SLC39A11: variants seen among roughly 807,000 people sequenced by gnomAD.
The protein encoded by SLC39A11 is solute carrier family 39 member 11.
SLC39A11 carries 33 observed loss-of-function variants against 36.1 expected under a neutral mutation model. The ratio of observed to expected loss-of-function variants is 0.91; its 90% confidence interval spans 0.69 to 1.22. The LOEUF (loss-of-function observed/expected upper bound fraction) is 1.22. SLC39A11 is among the 50% of genes most tolerant of loss of function. The pLI, the probability that SLC39A11 is intolerant of heterozygous loss-of-function variation, is 0.00. For missense variants in SLC39A11, 432 were observed against 430.3 expected (o/e 1.00, Z -0.03); for synonymous variants, 166 against 170.3 (o/e 0.97, Z 0.20).
chr17:72,824,208 T>C (rs904106653), intron 6 of SLC39A11, among the ~76,000 whole-genome samples: 1 of 151,000 alleles, frequency 6.6e-6, no homozygotes, highest in Non-Finnish European at 1.5e-5. Flanking sequence ...ATAGTGAATA[T>C]GTTCTCATGA....
chr17:73,069,746 A>G (rs150325656), intron 3 of SLC39A11, among the ~76,000 whole-genome samples: 4 of 152,214 alleles, frequency 2.6e-5, no homozygotes, highest in Non-Finnish European at 5.9e-5. Flanking sequence ...CACTCAGGGT[A>G]TCTTTCAAAA....
In SLC39A11 at chr17:72,714,983, G is replaced by C. The variant is rs1168739887; in HGVS notation, c.671+21667C>G. Among the ~76,000 whole-genome samples, 3 of 152,312 alleles carry C rather than the reference G, an allele frequency of 2.0e-5. No individual in the cohort carries two copies. In the East Asian group the frequency reaches 5.8e-4, roughly 29 times the overall value. On this transcript the variant is annotated intron_variant, in intron 7 of 9. Coordinates refer to ENST00000255559, the MANE Select transcript of SLC39A11 (RefSeq NM_139177.4). ...TCAAAACCACTTCACCTCGCATCTT[G>C]CATCCATGTAGCCCCTTCACGCTCA... is the stretch of plus-strand genomic sequence containing the variant.
At chr17:72,951,317 G>A (rs1423739851) in intron 4 of SLC39A11, among the ~76,000 whole-genome samples, 1 of 149,076 alleles carries the variant, frequency 6.7e-6, no homozygotes, top group Admixed American at 6.7e-5. Context: ...TCAGATACCT[G>A]CTTTAGAAAG....
intron 3 of SLC39A11, among the ~76,000 whole-genome samples, chr17:73,084,434 T>C (rs1370281816): frequency 9.5e-5 from 5 of 52,448 alleles, no homozygotes; most frequent in Non-Finnish European, 1.3e-4. Context: ...TAAGGCTCTG[T>C]CTCAAAAAAA....
intron 6 of SLC39A11, among the ~76,000 whole-genome samples, chr17:72,817,316 A>AAGGG (rs1263596438): frequency 2.2e-5 from 3 of 139,064 alleles, no homozygotes; most frequent in Non-Finnish European, 4.7e-5. Flanking sequence ...GGAAGAAAAG[A>AAGGG]AGGGAGGGAG....
At chr17:73,032,895 C>A (rs193114983) in intron 3 of SLC39A11, among the ~76,000 whole-genome samples, 2 of 152,162 alleles carry the variant, frequency 1.3e-5, no homozygotes, top group Admixed American at 6.5e-5. Flanking sequence ...TTTTCTATTG[C>A]GATTTGTAGA....
intron 6 of SLC39A11, among the ~76,000 whole-genome samples, chr17:72,761,311 CACCA>C (rs1460917910): frequency 5.3e-4 from 80 of 152,244 alleles, no homozygotes; most frequent in African/African-American, 1.8e-3. Context: ...GATGGATTTT[CACCA>C]TGTTGGCAAA....
At chr17:72,976,891 G>A (rs1340868238) in intron 4 of SLC39A11, among the ~76,000 whole-genome samples, 1 of 152,144 alleles carries the variant, frequency 6.6e-6, no homozygotes, top group Non-Finnish European at 1.5e-5. Flanking sequence ...TCTCTGTTAG[G>A]TCTCAGGATT....
At chr17:72,763,141 C>T (rs1046449298) in intron 6 of SLC39A11, among the ~76,000 whole-genome samples, 2 of 152,158 alleles carry the variant, frequency 1.3e-5, no homozygotes, top group Non-Finnish European at 2.9e-5. Flanking sequence ...AAGCTCCCAA[C>T]AGGATTTAGA....
chr17:73,057,328 T>G (rs943210467), intron 3 of SLC39A11, among the ~76,000 whole-genome samples: 50 of 152,328 alleles, frequency 3.3e-4, no homozygotes, highest in Middle Eastern at 3.4e-3. Context: ...ACATTGCCTC[T>G]TTTAATAGAT....
intron 6 of SLC39A11, among the ~76,000 whole-genome samples, chr17:72,784,640 C>T (rs2076440414): frequency 6.6e-6 from 1 of 151,950 alleles, no homozygotes; most frequent in Non-Finnish European, 1.5e-5. Flanking sequence ...GCTGTGGTGA[C>T]AGTGAGTTCT....
intron 6 of SLC39A11, among the ~76,000 whole-genome samples, chr17:72,800,980 G>C (rs1372681736): frequency 6.6e-6 from 1 of 152,198 alleles, no homozygotes; most frequent in Non-Finnish European, 1.5e-5. Context: ...GCAACAAAAA[G>C]GGATGAAGTA....
intron 6 of SLC39A11, among the ~76,000 whole-genome samples, chr17:72,810,119 C>T (rs1309355903): frequency 2.0e-5 from 3 of 150,114 alleles, no homozygotes; most frequent in Non-Finnish European, 3.0e-5. Flanking sequence ...ATGAAGAAAA[C>T]TCTAGTAATA....
chr17:72,754,337 T>C (rs1206633224), intron 6 of SLC39A11, among the ~76,000 whole-genome samples: 1 of 151,852 alleles, frequency 6.6e-6, no homozygotes, highest in African/African-American at 2.4e-5. Flanking sequence ...ACAAATTGGG[T>C]TCAGTGCATA....
At chr17:72,890,622 A>T (rs1418566405) in intron 5 of SLC39A11, among the ~76,000 whole-genome samples, 1 of 152,222 alleles carries the variant, frequency 6.6e-6, no homozygotes, top group Non-Finnish European at 1.5e-5. Context: ...CCCATTGAAT[A>T]CAAGTGGCTG....
chr17:72,782,729 A>G (rs1391379164), intron 6 of SLC39A11, among the ~76,000 whole-genome samples: 2 of 147,284 alleles, frequency 1.4e-5, no homozygotes, highest in African/African-American at 2.5e-5. Flanking sequence ...GGCCCAGCAC[A>G]GTGGCTTATG....
At chr17:72,884,554 G>A (rs930643874) in intron 5 of SLC39A11, among the ~76,000 whole-genome samples, 7 of 152,158 alleles carry the variant, frequency 4.6e-5, no homozygotes, top group East Asian at 1.9e-4. Flanking sequence ...GCTGTGTCTC[G>A]CTTTGGATTT....
chr17:72,991,385 C>T (rs1290498476), intron 4 of SLC39A11, among the ~76,000 whole-genome samples: 1 of 149,942 alleles, frequency 6.7e-6, no homozygotes, highest in Non-Finnish European at 1.5e-5. Context: ...TGAGATGGAG[C>T]CTTGCTCTGT....
chr17:72,960,054 C>T (rs2147908783), intron 4 of SLC39A11, among the ~76,000 whole-genome samples: 1 of 152,310 alleles, frequency 6.6e-6, no homozygotes, highest in Non-Finnish European at 1.5e-5. Context: ...ATTTCCCATA[C>T]TTATTTGGCC....
Sources: gnomAD v4.1 joint callset for allele counts (sites outside exome capture counted in the v4.1 genomes callset) on GRCh38, gnomAD v4.1.1 for gene constraint, MANE v1.5 for transcripts, NCBI Gene and HGNC (gene_info 2026-07-23, HGNC 2026-07-21) for gene names.